The following ZNF385D variants were observed in gnomAD, a reference collection of about 807,000 sequenced individuals.
ZNF385D encodes the protein zinc finger protein 659.
A neutral mutation model predicts 35.8 loss-of-function variants in ZNF385D; 15 were observed. That is an observed-to-expected ratio of 0.42 (90% CI 0.28 to 0.64). The LOEUF (loss-of-function observed/expected upper bound fraction) is 0.64, where lower values mean the gene tolerates loss of function less well. ZNF385D is among the 30% of genes least tolerant of loss of function. The probability of loss-of-function intolerance (pLI) is 0.23; values close to 1 mark genes in which losing one functional copy is unlikely to be tolerated. For synonymous variants in ZNF385D, 212 were observed against 186.8 expected, an observed-to-expected ratio of 1.13 and a Z score of -1.10; for missense variants, 474 against 494.6, an observed-to-expected ratio of 0.96 and a Z score of 0.39.
At chr3:21,617,352 C>A (rs1046628894) in intron 2 of ZNF385D, among the ~76,000 whole-genome samples, 1 of 152,146 alleles carries the variant, frequency 6.6e-6, no homozygotes, top group Non-Finnish European at 1.5e-5. Flanking sequence ...GGGTTTGAGT[C>A]GTAGCTCTGT....
At chr3:22,047,658 G>A (rs1290919962) in intron 3 of ZNF385D, among the ~76,000 whole-genome samples, 1 of 152,108 alleles carries the variant, frequency 6.6e-6, no homozygotes, top group East Asian at 1.9e-4. Context: ...TGGTGGATAT[G>A]TAGGTTGATT....
chr3:21,447,436 G>A (rs1433604665), intron 4 of ZNF385D, among the ~76,000 whole-genome samples: 1 of 152,200 alleles, frequency 6.6e-6, no homozygotes, highest in African/African-American at 2.4e-5. Flanking sequence ...ACTGCATGCT[G>A]CAGTAACAGT....
At chr3:21,461,585 T>G (rs1254603898) in intron 4 of ZNF385D, among the ~76,000 whole-genome samples, 1 of 150,926 alleles carries the variant, frequency 6.6e-6, no homozygotes, top group East Asian at 1.9e-4. Flanking sequence ...AATCTCCTCT[T>G]TGAAATTGTT....
intron 3 of ZNF385D, among the ~76,000 whole-genome samples, chr3:21,802,044 C>A (rs1270462080): frequency 1.3e-5 from 2 of 152,044 alleles, no homozygotes; most frequent in Admixed American, 6.6e-5. Flanking sequence ...GGAGACGGGG[C>A]AGATTTCTTA....
At chr3:21,968,922 G>T (rs1322955138) in intron 3 of ZNF385D, among the ~76,000 whole-genome samples, 1 of 152,188 alleles carries the variant, frequency 6.6e-6, no homozygotes, top group Non-Finnish European at 1.5e-5. Context: ...GTTTACTGGG[G>T]TCTCTGATTC....
At chr3:22,315,466 T>G (rs1394290854) in intron 2 of ZNF385D, among the ~76,000 whole-genome samples, 1 of 152,158 alleles carries the variant, frequency 6.6e-6, no homozygotes, top group Non-Finnish European at 1.5e-5. Flanking sequence ...CAGTTTATGT[T>G]ACACAAAGAC....
Position 22,199,600 on chromosome 3 carries a change from G to C in ZNF385D, c.107-30565C>G, listed in dbSNP as rs150689314. The stretch of plus-strand genomic sequence containing the variant: ...AAAAAGGAAGAGAAGTGGCACATAC[G>C]GATTGTTACTACTGGAGGAGAACTG... On this transcript the variant is annotated intron_variant, in intron 2 of 5. Coordinates refer to the ZNF385D transcript ENST00000494108. 8.2e-3 allele frequency among the ~76,000 whole-genome samples: 1,246 copies of C among 152,096 alleles called. 66 individuals carry two copies. Among genetic ancestry groups the C allele is most frequent in the Admixed American group, 0.075 (1,137 of 15,220 alleles).
At chr3:22,369,284 A>G (rs1696793596) in intron 2 of ZNF385D, among the ~76,000 whole-genome samples, 2 of 152,186 alleles carry the variant, frequency 1.3e-5, no homozygotes, top group Non-Finnish European at 2.9e-5. Context: ...TATTGTTTGA[A>G]TATGAAACAA....
intron 2 of ZNF385D, among the ~76,000 whole-genome samples, chr3:22,331,118 ATTGAT>A (rs1289331456): frequency 6.6e-6 from 1 of 152,218 alleles, no homozygotes; most frequent in Admixed American, 6.5e-5. Context: ...TTTACCATAA[ATTGAT>A]TTAAGAACTG....
intron 1 of ZNF385D, among the ~76,000 whole-genome samples, chr3:21,722,809 C>T (rs1463379323): frequency 6.6e-6 from 1 of 152,200 alleles, no homozygotes; most frequent in East Asian, 1.9e-4. Context: ...CCCTGACTGC[C>T]TTCTACAGTG....
At chr3:21,794,875 A>G (rs1381018407) in intron 3 of ZNF385D, among the ~76,000 whole-genome samples, 1 of 152,184 alleles carries the variant, frequency 6.6e-6, no homozygotes, top group Non-Finnish European at 1.5e-5. Flanking sequence ...TCATCTGAAC[A>G]TTGCAAATAT....
chr3:21,792,454 A>G (rs1220811536), intron 3 of ZNF385D, among the ~76,000 whole-genome samples: 1 of 152,198 alleles, frequency 6.6e-6, no homozygotes, highest in Non-Finnish European at 1.5e-5. Context: ...CTTATTGTCT[A>G]TGGTGGCTTT....
intron 2 of ZNF385D, among the ~76,000 whole-genome samples, chr3:22,216,632 G>A (rs1697905337): frequency 6.6e-6 from 1 of 152,150 alleles, no homozygotes; most frequent in African/African-American, 2.4e-5. Flanking sequence ...TGAGGAATGA[G>A]TCAGGAGAGT....
intron 2 of ZNF385D, among the ~76,000 whole-genome samples, chr3:22,302,157 G>A (rs1446631489): frequency 1.3e-5 from 2 of 152,016 alleles, no homozygotes; most frequent in African/African-American, 4.8e-5. Flanking sequence ...ATGCAGGGAT[G>A]CAGATTTTCA....
intron 4 of ZNF385D, among the ~76,000 whole-genome samples, chr3:21,438,803 G>A (rs979047216): frequency 6.6e-6 from 1 of 152,070 alleles, no homozygotes; most frequent in Non-Finnish European, 1.5e-5. Flanking sequence ...AGAAAAATAA[G>A]TAAAATTACC....
At chr3:21,694,199 A>G (rs2067390429) in intron 1 of ZNF385D, among the ~76,000 whole-genome samples, 2 of 150,986 alleles carry the variant, frequency 1.3e-5, no homozygotes, top group East Asian at 1.9e-4. Flanking sequence ...GCCCGCCACC[A>G]CGCCCGGCTA....
At chr3:22,038,477 T>A (rs1246761506) in intron 3 of ZNF385D, among the ~76,000 whole-genome samples, 3 of 152,116 alleles carry the variant, frequency 2.0e-5, no homozygotes, top group Non-Finnish European at 2.9e-5. Context: ...ATAGTTAAAA[T>A]GGAGACTGGA....
intron 3 of ZNF385D, among the ~76,000 whole-genome samples, chr3:22,139,250 C>T (rs1559400264): frequency 6.6e-6 from 1 of 152,162 alleles, no homozygotes. Flanking sequence ...TTTGACCCAG[C>T]CATCCCATTA....
chr3:21,435,469 T>C (rs1701505055), intron 5 of ZNF385D, among the ~76,000 whole-genome samples: 1 of 152,006 alleles, frequency 6.6e-6, no homozygotes, highest in Admixed American at 6.6e-5. Context: ...TCTCCCTTTG[T>C]TGCCCAGGCT....
Sources: allele counts gnomAD v4.1 joint callset (sites outside exome capture counted in the v4.1 genomes callset), GRCh38; gene constraint gnomAD v4.1.1; transcripts MANE v1.5; gene names NCBI Gene and HGNC (gene_info 2026-07-23, HGNC 2026-07-21).